SDK2: variants seen among roughly 807,000 people sequenced by gnomAD.
SDK2 encodes sidekick cell adhesion molecule 2.
SDK2 carries 105 observed loss-of-function variants against 253.9 expected under a neutral mutation model. That is an observed-to-expected ratio of 0.41 (90% CI 0.35 to 0.49). SDK2 has a LOEUF of 0.49. SDK2 is among the 20% of genes least tolerant of loss of function. The pLI is 0.06. For missense variants in SDK2, 2,608 were observed against 3,003.0 expected, an observed-to-expected ratio of 0.87 and a Z score of 3.07; for synonymous variants, 1,249 against 1,234.9, an observed-to-expected ratio of 1.01 and a Z score of -0.24.
intron 18 of SDK2, among the ~76,000 whole-genome samples, chr17:73,410,439 A>G (rs2063116497): frequency 6.6e-6 from 1 of 151,870 alleles, no homozygotes; most frequent in Non-Finnish European, 1.5e-5. Context: ...TCGGCCTCCT[A>G]TGTCTGTAGC....
At chr17:73,527,985 C>T (rs573874738) in intron 1 of SDK2, among the ~76,000 whole-genome samples, 3 of 151,520 alleles carry the variant, frequency 2.0e-5, no homozygotes, top group East Asian at 1.9e-4. Context: ...GATTGGAGGG[C>T]GGGGGTTGTC....
In SDK2 at chr17:73,414,778, CGGGGT is replaced by C; in HGVS notation, c.2369-24_2369-20del. The stretch of plus-strand genomic sequence containing the variant: ...GTGGGAACTAGAGGAGATGAGAGAA[CGGGGT>C]GGGGTGGAGGGGGCCCAGTCAGTCT... On this transcript the variant is annotated intron_variant, in intron 17 of 44. Coordinates refer to ENST00000392650, the MANE Select transcript of SDK2 (RefSeq NM_001144952.2). The C allele has an allele frequency of 6.6e-7, 1 of 1,523,142 alleles. No homozygotes were observed. The highest frequency in any genetic ancestry group is 9.1e-7 in the Non-Finnish European group (1 of 1,098,482). The allele number at this position is 1,523,142 out of a possible 1,614,324, so 94.4% of individuals were successfully genotyped here. A position where few individuals can be genotyped will look rare whatever the true frequency, so the allele number is the denominator to read the frequency against.
At chr17:73,484,471 C>T (rs1347200863) in intron 2 of SDK2, among the ~76,000 whole-genome samples, 2 of 152,226 alleles carry the variant, frequency 1.3e-5, no homozygotes, top group East Asian at 3.9e-4. Context: ...GCTGAGAAGC[C>T]TCTTCCCTCA....
chr17:73,638,635 G>C (rs1477327090), intron 1 of SDK2, among the ~76,000 whole-genome samples: 1 of 152,024 alleles, frequency 6.6e-6, no homozygotes, highest in Non-Finnish European at 1.5e-5. Context: ...GTGAGGAGAT[G>C]AGGTGGGAGG....
intron 29 of SDK2, 137 bp from the exon 30 acceptor site, chr17:73,388,174 A>G (rs1029675865): frequency 3.0e-6 from 2 of 658,678 alleles, no homozygotes; most frequent in Admixed American, 2.4e-5. Context: ...CCATGCACGC[A>G]GGATCCTTGC....
At chr17:73,641,457 T>C (rs897181312) in intron 1 of SDK2, among the ~76,000 whole-genome samples, 2 of 152,298 alleles carry the variant, frequency 1.3e-5, no homozygotes, top group Admixed American at 6.5e-5. Flanking sequence ...GCCAATGCTC[T>C]TTCTACAACC....
At chr17:73,425,973 C>T (rs970850024) in intron 12 of SDK2, among the ~76,000 whole-genome samples, 2 of 152,136 alleles carry the variant, frequency 1.3e-5, no homozygotes, top group African/African-American at 4.8e-5. Context: ...GCCTTTGTTA[C>T]ATATTTTAAA....
At chr17:73,621,110 CT>C (rs997124511) in intron 1 of SDK2, among the ~76,000 whole-genome samples, 6 of 152,278 alleles carry the variant, frequency 3.9e-5, no homozygotes, top group African/African-American at 1.4e-4. Context: ...AGGATGGATC[CT>C]GGAAAGTGGA....
chr17:73,348,402 T>C (rs371585860), intron 44 of SDK2, among the ~76,000 whole-genome samples, 197 bp downstream of exon 44: 13 of 152,340 alleles, frequency 8.5e-5, no homozygotes, highest in African/African-American at 2.9e-4. Context: ...CGGGACCCCA[T>C]TGGCACTGGC....
chr17:73,628,298 G>A (rs16977716), intron 1 of SDK2, among the ~76,000 whole-genome samples: 1,830 of 152,308 alleles, frequency 0.012, 45 homozygotes, highest in African/African-American at 0.042. Flanking sequence ...TCCTGGGTCC[G>A]TTCCTGAATC....
At chr17:73,339,057 T>C in intron 44 of SDK2, 117 bp from the exon 45 acceptor site, 2 of 925,500 alleles carry the variant, frequency 2.2e-6, no homozygotes, top group Non-Finnish European at 3.4e-6. Context: ...CTTTCAAGAC[T>C]TGGACTGTGG....
intron 2 of SDK2, among the ~76,000 whole-genome samples, chr17:73,493,270 C>T (rs757794228): frequency 6.6e-6 from 1 of 152,176 alleles, no homozygotes; most frequent in Non-Finnish European, 1.5e-5. Flanking sequence ...GTTAAATTTC[C>T]TTGTGGTGGA....
chr17:73,519,556 C>T (rs1370679607), intron 1 of SDK2: 1 of 139,218 alleles, frequency 7.2e-6, no homozygotes. Flanking sequence ...CTACTCCACA[C>T]TGAGCAGCGC....
chr17:73,474,803 C>T (rs915072011), intron 2 of SDK2, among the ~76,000 whole-genome samples: 1 of 151,892 alleles, frequency 6.6e-6, no homozygotes, highest in South Asian at 2.1e-4. Flanking sequence ...AGAGATGGGC[C>T]GGAAAAGCTC....
rs150982636 is a variant in SDK2 at position 73,573,705 on chromosome 17, C to A, written c.65-66108G>T. 3.7e-3 allele frequency among the ~76,000 whole-genome samples: 571 copies of A among 152,348 alleles called. 3 individuals carry two copies. Among genetic ancestry groups the A allele is most frequent in the African/African-American group, 0.013 (550 of 41,574 alleles). On this transcript the variant is annotated intron_variant, in intron 1 of 44. Coordinates refer to ENST00000392650, the MANE Select transcript of SDK2 (RefSeq NM_001144952.2). ...CTCCGCTCCCTGAGCCTTAGCCCCA[C>A]ATGGCAGCCAGAGGGATTGATTTAA...
At position 73,644,158 on chromosome 17, in the gene SDK2, T is replaced by C. The variant is rs1230154937; in HGVS notation, c.-70A>G. 6.1e-6 allele frequency: 8 copies of C among 1,310,638 alleles called. No individual in the cohort carries two copies. The highest frequency in any genetic ancestry group is 2.0e-5 in the Admixed American group (1 of 50,228). The allele number at this position is 1,310,638 out of a possible 1,614,324, so 81.2% of individuals were successfully genotyped here. ...GCCCTGTTTTATAATCCTGGTGGGGTCCGATACCCCGTGGCTTAGTCCCAG... is the reference window on the plus strand; with the variant it reads ...GCCCTGTTTTATAATCCTGGTGGGGCCCGATACCCCGTGGCTTAGTCCCAG... On this transcript the variant is annotated 5_prime_UTR_variant, in exon 1 of 45. Coordinates refer to ENST00000392650, the MANE Select transcript of SDK2 (RefSeq NM_001144952.2). This position sits in a 1 kb window ranked among gnomAD's most constrained non-coding sequence, Gnocchi z 6.3.
intron 24 of SDK2, among the ~76,000 whole-genome samples, chr17:73,396,042 C>T (rs1199762378): frequency 6.6e-6 from 1 of 152,046 alleles, no homozygotes; most frequent in East Asian, 1.9e-4. Context: ...GGACTATAGG[C>T]GTGTGCCACT....
At chr17:73,547,747 A>C (rs568718600) in intron 1 of SDK2, among the ~76,000 whole-genome samples, 2 of 152,324 alleles carry the variant, frequency 1.3e-5, no homozygotes, top group South Asian at 2.1e-4. Context: ...GATGCTTTTT[A>C]GATTTTTGAT....
At chr17:73,385,787 C>A in intron 32 of SDK2, 60 bp downstream of exon 32, 2 of 1,482,746 alleles carry the variant, frequency 1.3e-6, no homozygotes. Context: ...GCTGGCTTTC[C>A]AGTCCCAGAG....
Sources: allele counts gnomAD v4.1 joint callset (sites outside exome capture counted in the v4.1 genomes callset), GRCh38; gene constraint gnomAD v4.1.1; non-coding constraint Gnocchi (gnomAD v3.1); transcripts MANE v1.5; gene names NCBI Gene and HGNC (gene_info 2026-07-23, HGNC 2026-07-21).